The following NAA30 variants were observed in gnomAD, a reference collection of about 807,000 sequenced individuals.
NAA30 encodes N-alpha-acetyltransferase 30.
In NAA30, 5 loss-of-function variants were observed where a neutral mutation model predicts 31.4. The observed-to-expected ratio is 0.16, with a 90% CI of 0.08 to 0.33. The LOEUF is 0.33. Among genes scored for constraint, NAA30 ranks in the 10% least tolerant of loss-of-function variants. NAA30 has a pLI of 1.00. For synonymous variants in NAA30, 222 were observed against 207.1 expected (o/e 1.07, Z -0.62); for missense variants, 428 against 490.8 (o/e 0.87, Z 1.21).
chr14:57,391,314 C>T lies in NAA30; in HGVS notation c.357C>T (p.Asp119=), dbSNP rs1594748489. ...TGGCCGCGACCACAGCCACCCCTGA[C>T]GGAGGCCCCAGAGCGACTGCAACAA... ...AEVAATTATP[D]GGPRATATKG... The change falls in exon 2 of 5, where the codon GAC becomes GAT. Residue 119 remains aspartate, a synonymous_variant. Coordinates refer to ENST00000556492, the MANE Select transcript of NAA30 (RefSeq NM_001011713.3). This position sits in a 1 kb window ranked among gnomAD's most constrained non-coding sequence, Gnocchi z 4.1. 6.2e-7 allele frequency: 1 copy of T among 1,611,100 alleles called. No individual in the cohort carries two copies. The highest frequency in any genetic ancestry group is 8.5e-7 in the Non-Finnish European group (1 of 1,179,132).
intron 2 of NAA30, among the ~76,000 whole-genome samples, chr14:57,394,557 GA>G (rs909167778): frequency 2.6e-4 from 39 of 150,932 alleles, no homozygotes; most frequent in African/African-American, 7.8e-4. Context: ...AGTTTATCAG[GA>G]AAAAAAAATG....
At chr14:57,396,623 G>C in intron 2 of NAA30, 129 bp from the exon 3 acceptor site, 1 of 855,200 alleles carries the variant, frequency 1.2e-6, no homozygotes, top group Non-Finnish European at 1.9e-6. Flanking sequence ...TGTGACTGCT[G>C]TCTTGCAAGA....
In NAA30 at chr14:57,413,147, CAAAGTA is replaced by C. The variant is rs990188507; in HGVS notation, c.*3635_*3640del. The C allele has an allele frequency of 6.6e-6, 1 of 151,808 alleles. No individual in the cohort carries two copies. Among genetic ancestry groups the C allele is most frequent in the African/African-American group, 2.4e-5 (1 of 41,342 alleles). 9.4% of individuals were successfully genotyped at this position (151,808 alleles called of 1,614,324 possible). A position where few individuals can be genotyped will look rare whatever the true frequency, so the allele number is the denominator to read the frequency against. On this transcript the variant is annotated 3_prime_UTR_variant, in exon 5 of 5. Transcript: ENST00000556492. ...CCCCATCCCACCCTTGGTAAGACAC[CAAAGTA>C]AAATAGAGCAATATCCAAAGAGCTT...
chr14:57,406,101 A>G (rs2066497162), intron 4 of NAA30, among the ~76,000 whole-genome samples: 1 of 152,228 alleles, frequency 6.6e-6, no homozygotes, highest in Non-Finnish European at 1.5e-5. Flanking sequence ...GTTGTGTCAA[A>G]TAATTTTCTA....
chr14:57,405,832 A>G (rs2066496203), intron 4 of NAA30, among the ~76,000 whole-genome samples: 1 of 152,170 alleles, frequency 6.6e-6, no homozygotes, highest in Non-Finnish European at 1.5e-5. Context: ...TACAGTATTA[A>G]AAAATACTAT....
At chr14:57,400,139 G>T (rs1404369398) in intron 4 of NAA30, among the ~76,000 whole-genome samples, 1 of 152,058 alleles carries the variant, frequency 6.6e-6, no homozygotes, top group Non-Finnish European at 1.5e-5. Context: ...GTATTCAGAG[G>T]CTTTATCATC....
In NAA30 at chr14:57,396,955, G is replaced by A. The variant is rs949739046; in HGVS notation, c.895+80G>A. The A allele has an allele frequency of 5.1e-6, 7 of 1,385,592 alleles. No homozygotes were observed. The African/African-American group carries it at 5.7e-5, about 11-fold the overall frequency. 85.8% of individuals were successfully genotyped at this position (1,385,592 alleles called of 1,614,324 possible). ...GTGTTTTGAAATAAAAGACTTAAATGTAAGTATGTAGAAATGAAAGAAACT... is the reference window on the plus strand; with the variant it reads ...GTGTTTTGAAATAAAAGACTTAAATATAAGTATGTAGAAATGAAAGAAACT... On this transcript the variant is annotated intron_variant, in intron 3 of 4. Transcript: ENST00000556492.
At chr14:57,390,932 C>T (rs949867200) in intron 1 of NAA30, 25 bp from the exon 2 acceptor site, 1 of 1,457,550 alleles carries the variant, frequency 6.9e-7, no homozygotes, top group Non-Finnish European at 9.0e-7. Flanking sequence ...TCATGGCCTC[C>T]CCTCTCGGTC....
At chr14:57,404,318 TCACACACA>T (rs377631674) in intron 4 of NAA30, among the ~76,000 whole-genome samples, 4 of 151,124 alleles carry the variant, frequency 2.6e-5, no homozygotes, top group Admixed American at 2.6e-4. Context: ...CAAGACTCCA[TCACACACA>T]CACACACAAA....
chr14:57,406,118 G>T (rs1216177086), intron 4 of NAA30, among the ~76,000 whole-genome samples: 1 of 152,094 alleles, frequency 6.6e-6, no homozygotes. Context: ...TCTAAAGAAA[G>T]AATCTCTTTG....
At chr14:57,405,213 C>T (rs1236196541) in intron 4 of NAA30, among the ~76,000 whole-genome samples, 4 of 151,974 alleles carry the variant, frequency 2.6e-5, no homozygotes, top group African/African-American at 9.7e-5. Context: ...AAATAGATCA[C>T]ATTAGCACTA....
intron 3 of NAA30, among the ~76,000 whole-genome samples, chr14:57,397,622 A>G (rs977286926): frequency 5.3e-5 from 8 of 152,286 alleles, no homozygotes; most frequent in African/African-American, 1.9e-4. Flanking sequence ...AAATAACGCC[A>G]TAAAACTCAA....
At chr14:57,397,664 C>T (rs1476228665) in intron 3 of NAA30, among the ~76,000 whole-genome samples, 1 of 152,198 alleles carries the variant, frequency 6.6e-6, no homozygotes, top group Admixed American at 6.5e-5. Flanking sequence ...CGGTGGCTCA[C>T]GCCTATAATC....
Position 57,414,325 on chromosome 14 carries a change from G to C in NAA30, c.*4809G>C, listed in dbSNP as rs2066537916. The stretch of plus-strand genomic sequence containing the variant: ...AATATATTTCATTAATACAGTGTTT[G>C]ACCACTTTCCACCCCACCAACCACT... On this transcript the variant is annotated 3_prime_UTR_variant, in exon 5 of 5. Coordinates refer to ENST00000556492, the MANE Select transcript of NAA30 (RefSeq NM_001011713.3). 1 of 152,188 alleles carries C rather than the reference G, an allele frequency of 6.6e-6. No individual in the cohort carries two copies. The highest frequency in any genetic ancestry group is 1.5e-5 in the Non-Finnish European group (1 of 68,026). The allele number at this position is 152,188 out of a possible 1,614,324, so 9.4% of individuals were successfully genotyped here.
intron 4 of NAA30, among the ~76,000 whole-genome samples, chr14:57,406,546 T>C (rs1236983009): frequency 6.6e-6 from 1 of 152,210 alleles, no homozygotes; most frequent in East Asian, 1.9e-4. Flanking sequence ...ATCAATTTCA[T>C]AGGGTTATTG....
intron 2 of NAA30, among the ~76,000 whole-genome samples, chr14:57,394,917 G>T (rs2066444432): frequency 6.6e-6 from 1 of 152,066 alleles, no homozygotes; most frequent in Non-Finnish European, 1.5e-5. Flanking sequence ...ATGAGGTCAG[G>T]CCAAAATTTT....
intron 3 of NAA30, among the ~76,000 whole-genome samples, chr14:57,397,651 G>C (rs889444730): frequency 6.6e-6 from 1 of 152,232 alleles, no homozygotes; most frequent in African/African-American, 2.4e-5. Flanking sequence ...CAGGTGCCGG[G>C]TGCGGTGGCT....
At chr14:57,397,998 G>A (rs1156426489) in intron 3 of NAA30, among the ~76,000 whole-genome samples, 1 of 152,186 alleles carries the variant, frequency 6.6e-6, no homozygotes, top group Non-Finnish European at 1.5e-5. Context: ...ATTTGTCTAA[G>A]CATGTCAAAT....
intron 4 of NAA30, among the ~76,000 whole-genome samples, chr14:57,400,151 GT>G (rs1438143990): frequency 6.6e-6 from 1 of 152,146 alleles, no homozygotes; most frequent in Non-Finnish European, 1.5e-5. Flanking sequence ...TTTATCATCA[GT>G]TATTTAAGGT....
Sources: gnomAD v4.1 joint callset for allele counts (sites outside exome capture counted in the v4.1 genomes callset) on GRCh38, gnomAD v4.1.1 for gene constraint, Gnocchi (gnomAD v3.1) non-coding constraint, MANE v1.5 for transcripts, NCBI Gene and HGNC (gene_info 2026-07-23, HGNC 2026-07-21) for gene names.